SAMMSON: variants seen among roughly 807,000 people sequenced by gnomAD.
The protein encoded by SAMMSON is survival associated mitochondrial melanoma specific oncogenic non-coding RNA.
chr3:70,319,942 C>T lies in SAMMSON; in HGVS notation n.739+28699C>T, dbSNP rs148704948. Among the ~76,000 whole-genome samples the T allele has an allele frequency of 3.0e-4, 46 of 152,078 alleles. No homozygotes were observed. The East Asian group carries it at 8.1e-3, about 27-fold the overall frequency. ...ATACTAGAACAGAATAGACTGTTGT[C>T]GAGTTTCCTAGAAATACATTAGTAA... is the stretch of plus-strand genomic sequence containing the variant. On this transcript the variant is annotated intron_variant and non_coding_transcript_variant, in intron 7 of 9. Transcript: ENST00000642114.
chr3:70,069,567 G>A (rs998760693), intron 3 of SAMMSON: 3 of 152,146 alleles, frequency 2.0e-5, no homozygotes, highest in African/African-American at 7.2e-5. Context: ...AGATCACACA[G>A]TTAACAAGAA....
chr3:70,051,584 A>C (rs2067146559), intron 3 of SAMMSON, among the ~76,000 whole-genome samples: 1 of 151,642 alleles, frequency 6.6e-6, no homozygotes, highest in Non-Finnish European at 1.5e-5. Flanking sequence ...GGACACACGA[A>C]GATGGGATCT....
rs201743622 is a variant in SAMMSON at position 70,054,037 on chromosome 3, A to G, written n.418-17439A>G. ...TAAAATTAAGCTCTTTTACTTTTGAATAACAACTGGTTGGCAAACACTTAC... is the reference window on the plus strand; with the variant it reads ...TAAAATTAAGCTCTTTTACTTTTGAGTAACAACTGGTTGGCAAACACTTAC... On this transcript the variant is annotated intron_variant and non_coding_transcript_variant, in intron 3 of 9. Transcript: ENST00000642114. Among the ~76,000 whole-genome samples, 7 of 152,306 alleles carry G rather than the reference A, an allele frequency of 4.6e-5. No individual in the cohort carries two copies. In the East Asian group the frequency reaches 1.4e-3, roughly 29 times the overall value.
At chr3:70,066,854 A>G (rs2067211847) in intron 3 of SAMMSON, among the ~76,000 whole-genome samples, 1 of 152,110 alleles carries the variant, frequency 6.6e-6, no homozygotes, top group African/African-American at 2.4e-5. Context: ...ATAAAAGTAC[A>G]TCTGAAAATC....
At chr3:70,040,156 A>G (rs530184618) in intron 3 of SAMMSON, among the ~76,000 whole-genome samples, 30 of 152,256 alleles carry the variant, frequency 2.0e-4, no homozygotes, top group Non-Finnish European at 2.5e-4. Flanking sequence ...CATCTATATG[A>G]TAAATATTAT....
intron 9 of SAMMSON, among the ~76,000 whole-genome samples, chr3:70,370,188 C>T (rs369578332): frequency 5.3e-5 from 8 of 151,984 alleles, no homozygotes; most frequent in South Asian, 4.1e-4. Flanking sequence ...ATATATACAC[C>T]GCACTTTCTT....
At chr3:70,255,461 G>T (rs1219806249) in intron 6 of SAMMSON, among the ~76,000 whole-genome samples, 1 of 152,012 alleles carries the variant, frequency 6.6e-6, no homozygotes, top group Admixed American at 6.6e-5. Context: ...ACAGAATCTT[G>T]CTCTGTTGCC....
At chr3:70,267,583 T>TG (rs1559549285) in intron 6 of SAMMSON, among the ~76,000 whole-genome samples, 8 of 146,686 alleles carry the variant, frequency 5.5e-5, no homozygotes, top group Non-Finnish European at 1.1e-4. Context: ...TTTGTATTTT[T>TG]TTTTTTTTTT....
At chr3:70,325,587 G>A (rs1575626256) in intron 7 of SAMMSON, among the ~76,000 whole-genome samples, 1 of 152,262 alleles carries the variant, frequency 6.6e-6, no homozygotes. Flanking sequence ...GAAATTTTGA[G>A]ACATTTACTT....
intron 9 of SAMMSON, among the ~76,000 whole-genome samples, chr3:70,366,496 T>TTTTG (rs1237608743): frequency 6.7e-6 from 1 of 148,856 alleles, no homozygotes; most frequent in Non-Finnish European, 1.5e-5. Flanking sequence ...TTTTATGTTT[T>TTTTG]TTTTTTTTTT....
At chr3:70,072,209 T>A (rs1328244485) in intron 4 of SAMMSON, 1 of 152,018 alleles carries the variant, frequency 6.6e-6, no homozygotes, top group Non-Finnish European at 1.5e-5. Flanking sequence ...TTTTCTGGGT[T>A]TACTGAAACT....
At chr3:70,273,893 C>T (rs11920701) in intron 6 of SAMMSON, among the ~76,000 whole-genome samples, 76,956 of 151,936 alleles carry the variant, frequency 0.51, 19,847 homozygotes, top group Middle Eastern at 0.59. Context: ...GACTTGAACT[C>T]CTAGGCTCAA....
intron 4 of SAMMSON, among the ~76,000 whole-genome samples, chr3:70,110,767 A>C (rs1448866945): frequency 6.6e-6 from 1 of 152,082 alleles, no homozygotes; most frequent in Non-Finnish European, 1.5e-5. Flanking sequence ...GCGGTGGTGA[A>C]AAGCAGTTTC....
intron 3 of SAMMSON, among the ~76,000 whole-genome samples, chr3:70,071,090 T>G (rs555454089): frequency 2.0e-5 from 3 of 151,994 alleles, no homozygotes; most frequent in African/African-American, 7.2e-5. Flanking sequence ...GGGGGTCTTA[T>G]AGGTATCGTA....
chr3:70,057,028 G>A (rs902221718), intron 3 of SAMMSON, among the ~76,000 whole-genome samples: 1 of 152,020 alleles, frequency 6.6e-6, no homozygotes, highest in Non-Finnish European at 1.5e-5. Flanking sequence ...TCCCAAAGAA[G>A]GCAGGCAGGA....
chr3:70,349,508 A>G (rs938516840), intron 7 of SAMMSON, among the ~76,000 whole-genome samples: 9 of 152,188 alleles, frequency 5.9e-5, no homozygotes, highest in Non-Finnish European at 8.8e-5. Context: ...ATGTGTTCAT[A>G]TATATTTTCT....
At chr3:70,207,875 G>A (rs1166458644) in intron 4 of SAMMSON, among the ~76,000 whole-genome samples, 1 of 151,984 alleles carries the variant, frequency 6.6e-6, no homozygotes, top group African/African-American at 2.4e-5. Context: ...GACACTGAGG[G>A]ACAACTGTAT....
intron 3 of SAMMSON, among the ~76,000 whole-genome samples, chr3:70,060,219 G>A (rs1056487311): frequency 1.3e-5 from 2 of 152,070 alleles, no homozygotes; most frequent in African/African-American, 4.8e-5. Context: ...TAGTTGCTGG[G>A]GACGTGGCTA....
At chr3:70,212,779 A>G (rs1701364157) in intron 4 of SAMMSON, among the ~76,000 whole-genome samples, 1 of 150,528 alleles carries the variant, frequency 6.6e-6, no homozygotes, top group Non-Finnish European at 1.5e-5. Context: ...TTACCTGAAT[A>G]TTTTCCCATT....
Sources: gnomAD v4.1 joint callset for allele counts (sites outside exome capture counted in the v4.1 genomes callset) on GRCh38, gnomAD v4.1.1 for gene constraint, MANE v1.5 for transcripts, NCBI Gene and HGNC (gene_info 2026-07-23, HGNC 2026-07-21) for gene names.